The following ABCA6 variants were observed in gnomAD, a reference collection of about 807,000 sequenced individuals.
ABCA6 encodes ATP-binding cassette sub-family A member 6.
In ABCA6, 164 loss-of-function variants were observed where a neutral mutation model predicts 191.2. The observed-to-expected ratio is 0.86, with a 90% CI of 0.76 to 0.98. The LOEUF is 0.98. ABCA6 is among the 50% of genes least tolerant of loss of function. The pLI, the probability that ABCA6 is intolerant of heterozygous loss-of-function variation, is 0.00. For synonymous variants in ABCA6, 636 were observed against 647.7 expected (o/e 0.98, Z 0.27); for missense variants, 1,958 against 1,894.1 (o/e 1.03, Z -0.63).
At chr17:69,086,563 G>A (rs1412782517) in intron 30 of ABCA6, 55 bp downstream of exon 30, 9 of 1,159,524 alleles carry the variant, frequency 7.8e-6, no homozygotes, top group Non-Finnish European at 1.1e-5. Flanking sequence ...TGACATAGAT[G>A]TTCGGTAGGT....
chr17:69,095,658 A>G (rs2073029569), intron 25 of ABCA6, among the ~76,000 whole-genome samples: 2 of 152,210 alleles, frequency 1.3e-5, no homozygotes, highest in Admixed American at 6.5e-5. Flanking sequence ...TTCCCATTCC[A>G]AGAGTTGAGA....
intron 25 of ABCA6, among the ~76,000 whole-genome samples, chr17:69,092,624 C>T (rs2072951244): frequency 6.6e-6 from 1 of 152,194 alleles, no homozygotes; most frequent in South Asian, 2.1e-4. Context: ...ACCAGTAAAG[C>T]ACCACAACCC....
intron 29 of ABCA6, among the ~76,000 whole-genome samples, 183 bp downstream of exon 29, chr17:69,087,170 T>C (rs894959675): frequency 2.0e-5 from 3 of 152,234 alleles, no homozygotes; most frequent in African/African-American, 7.2e-5. Flanking sequence ...TTTTAGCTTC[T>C]AGGACACTCT....
In ABCA6 at chr17:69,133,712, G is replaced by C. The variant is rs1352224894; in HGVS notation, c.720C>G (p.Leu240=). The C allele has an allele frequency of 6.2e-7, 1 of 1,610,434 alleles. No homozygotes were observed. The change falls in exon 6 of 39, where the codon CTC becomes CTG. Residue 240 remains leucine (L), a synonymous_variant. Coordinates refer to ENST00000284425, the MANE Select transcript of ABCA6 (RefSeq NM_080284.3). ...ACTTTTTTCTCTCTTTTGTTACATT[G>C]AGTGATATAAAATATACAAGTGGGG... The part of the protein sequence containing the change: ...HFSPLVYFIS[L]NVTKERKKSK...
chr17:69,130,180 G>C (rs1277707971), intron 6 of ABCA6, among the ~76,000 whole-genome samples: 1 of 152,086 alleles, frequency 6.6e-6, no homozygotes, highest in African/African-American at 2.4e-5. Flanking sequence ...AGCCAGGCAT[G>C]GTGGTGCATG....
intron 20 of ABCA6, chr17:69,104,576 GTTTC>G (rs1475461607): frequency 2.5e-5 from 3 of 118,704 alleles, no homozygotes; most frequent in Non-Finnish European, 3.7e-5. Context: ...TTTTTTTTTT[GTTTC>G]TTTGTTTGTT....
chr17:69,118,205 G>A (rs2073571816), intron 10 of ABCA6, among the ~76,000 whole-genome samples: 1 of 152,062 alleles, frequency 6.6e-6, no homozygotes, highest in Non-Finnish European at 1.5e-5. Flanking sequence ...GTAGAATGCT[G>A]TGTAATTATC....
Position 69,117,923 on chromosome 17 carries a change from T to G in ABCA6, c.1470A>C (p.Lys490Asn), listed in dbSNP as rs2073566911. ...CTTTCAATGCTTCCACTTTTCCAGA[T>G]TTTCCTTTATATTCCTTCTTAACAT... ...IRNVKKEYKG[K>N]SGKVEALKGL... is the part of the protein sequence containing the mutation. Residue 490 changes from lysine to asparagine, a missense_variant, in exon 11 of 39, where the codon AAA becomes AAC. Coordinates refer to ENST00000284425, the MANE Select transcript of ABCA6 (RefSeq NM_080284.3). The G allele has an allele frequency of 1.9e-6, 3 of 1,587,558 alleles. No individual in the cohort carries two copies. The East Asian group carries it at 6.8e-5, about 36-fold the overall frequency.
rs2072689480 is a variant in ABCA6, at chr17:69,083,339, G to A, written c.4356-8C>T. 4 of 1,560,158 alleles carry A rather than the reference G, an allele frequency of 2.6e-6. No homozygotes were observed. The highest frequency in any genetic ancestry group is 2.3e-5 in the East Asian group (1 of 44,178). On this transcript the variant is annotated splice_region_variant and splice_polypyrimidine_tract_variant and intron_variant, in intron 34 of 38. Transcript: ENST00000284425. Reference sequence around the variant, plus strand: ...ACTGCCTGGATTGCCTGCCTGCAGTGAGCAAAAAAATTAACAGTATTTAAA... The same window carrying A: ...ACTGCCTGGATTGCCTGCCTGCAGTAAGCAAAAAAATTAACAGTATTTAAA...
rs1291592894 is a variant in ABCA6 at position 69,113,329 on chromosome 17, A to G, written c.1934T>C (p.Leu645Ser). Residue 645 changes from leucine (L) to serine (S), a missense_variant, in exon 15 of 39, where the codon TTG (leucine) becomes TCG (serine). By Grantham distance (145) the Leu-to-Ser change is moderately radical. Transcript: ENST00000284425. ...ILLLDEPTTG[L>S]DPFSRDQVWS... ...CACTTGATCTCTGGAAAAGGGATCC[A>G]ATCCAGTAGTTGGTTCATCTAAAAG... 1 of 1,592,472 alleles carries G rather than the reference A, an allele frequency of 6.3e-7. No individual in the cohort carries two copies. Among genetic ancestry groups the G allele is most frequent in the Admixed American group, 1.9e-5 (1 of 51,948 alleles).
At chr17:69,104,611 G>T (rs2073250077) in intron 20 of ABCA6, 1 of 145,332 alleles carries the variant, frequency 6.9e-6, no homozygotes, top group African/African-American at 2.5e-5. Flanking sequence ...AACATCTGAG[G>T]TACTAACATA....
At chr17:69,130,360 C>G (rs1420943706) in intron 6 of ABCA6, among the ~76,000 whole-genome samples, 1 of 151,594 alleles carries the variant, frequency 6.6e-6, no homozygotes, top group Non-Finnish European at 1.5e-5. Flanking sequence ...TGACTGTAAG[C>G]ACAGCTGGGC....
chr17:69,112,486 A>G, intron 15 of ABCA6: 1 of 465,376 alleles, frequency 2.1e-6, no homozygotes, highest in African/African-American at 2.0e-5. Context: ...AAAGAGAATG[A>G]AACCATGTCT....
chr17:69,137,249 A>G, intron 3 of ABCA6, 47 bp downstream of exon 3: 2 of 1,547,356 alleles, frequency 1.3e-6, no homozygotes, highest in Non-Finnish European at 1.8e-6. Flanking sequence ...TATCAACAGT[A>G]TATAGACATC....
At chr17:69,133,587 C>G (rs2073900899) in intron 6 of ABCA6, 54 bp downstream of exon 6, 12 of 1,304,420 alleles carry the variant, frequency 9.2e-6, no homozygotes, top group Non-Finnish European at 1.2e-5. Flanking sequence ...CACTTTTTCA[C>G]TGCTTCTTAA....
chr17:69,082,762 C>T, intron 36 of ABCA6, 111 bp downstream of exon 36: 1 of 1,453,098 alleles, frequency 6.9e-7, no homozygotes, highest in Non-Finnish European at 9.3e-7. Flanking sequence ...TTTCTGAGGT[C>T]CCTAACTTTT....
intron 3 of ABCA6, among the ~76,000 whole-genome samples, chr17:69,136,574 C>T (rs1483452176): frequency 6.6e-6 from 1 of 152,106 alleles, no homozygotes; most frequent in Non-Finnish European, 1.5e-5. Context: ...GTTGTAGTTA[C>T]TATACAGTCA....
chr17:69,094,101 T>C (rs900048315), intron 25 of ABCA6, among the ~76,000 whole-genome samples: 2 of 152,222 alleles, frequency 1.3e-5, no homozygotes, highest in Non-Finnish European at 1.5e-5. Context: ...CTCAGTGTCA[T>C]GTCTGATTTT....
intron 21 of ABCA6, 59 bp downstream of exon 21, chr17:69,102,776 A>G: frequency 6.7e-7 from 1 of 1,495,836 alleles, no homozygotes; most frequent in Non-Finnish European, 8.9e-7. Flanking sequence ...CTGCAGTTTT[A>G]AAACAGCTAA....
Sources: allele counts gnomAD v4.1 joint callset (sites outside exome capture counted in the v4.1 genomes callset), GRCh38; gene constraint gnomAD v4.1.1; transcripts MANE v1.5; gene names NCBI Gene and HGNC (gene_info 2026-07-23, HGNC 2026-07-21).